ARHGEF33: variants seen among roughly 807,000 people sequenced by gnomAD.
ARHGEF33 encodes DH and coiled-coil domain-containing protein ENSP00000381780.
In ARHGEF33, 72 loss-of-function variants were observed where a neutral mutation model predicts 101.9. That is an observed-to-expected ratio of 0.71 (90% CI 0.58 to 0.86). The LOEUF (loss-of-function observed/expected upper bound fraction) is 0.86, where lower values mean the gene tolerates loss of function less well. ARHGEF33 is among the 40% of genes least tolerant of loss of function. ARHGEF33 has a pLI of 0.00. For synonymous variants in ARHGEF33, 499 were observed against 442.5 expected, an observed-to-expected ratio of 1.13 and a Z score of -1.60; for missense variants, 1,169 against 1,111.3, an observed-to-expected ratio of 1.05 and a Z score of -0.74.
At chr2:38,894,612 C>T (rs1188127005) in intron 1 of ARHGEF33, among the ~76,000 whole-genome samples, 1 of 152,166 alleles carries the variant, frequency 6.6e-6, no homozygotes, top group Admixed American at 6.5e-5. Flanking sequence ...TATATCACCT[C>T]TTGGTCCAAG....
At chr2:38,956,048 C>T (rs1316368071) in intron 13 of ARHGEF33, among the ~76,000 whole-genome samples, 3 of 152,178 alleles carry the variant, frequency 2.0e-5, no homozygotes, top group Non-Finnish European at 4.4e-5. Context: ...ATCCTTTCAA[C>T]AATCCCATGA....
At chr2:38,952,896 A>T (rs1356705733) in intron 11 of ARHGEF33, among the ~76,000 whole-genome samples, 1 of 152,072 alleles carries the variant, frequency 6.6e-6, no homozygotes, top group Non-Finnish European at 1.5e-5. Context: ...ACGGGGTTTC[A>T]CCGTGTTGCC....
chr2:38,897,127 G>A (rs2124977491), intron 2 of ARHGEF33, among the ~76,000 whole-genome samples: 1 of 152,148 alleles, frequency 6.6e-6, no homozygotes, highest in African/African-American at 2.4e-5. Flanking sequence ...TATTGGTCAG[G>A]CTGGTCTCGA....
chr2:38,904,504 G>A (rs1034648348), intron 2 of ARHGEF33, among the ~76,000 whole-genome samples: 3 of 152,018 alleles, frequency 2.0e-5, no homozygotes, highest in Admixed American at 6.6e-5. Context: ...TCAGGAGTTC[G>A]AGAACAGGCT....
rs114382576 is a variant in ARHGEF33 at position 38,935,076 on chromosome 2, A to C, written c.506-699A>C. On this transcript the variant is annotated intron_variant, in intron 7 of 17. Coordinates refer to ENST00000409978, the MANE Select transcript of ARHGEF33 (RefSeq NM_001145451.5). Reference sequence around the variant, plus strand: ...AAAAAAAAAAAAAGAAACAGCAGGCATGAGTTGGGGGCAGATATTCCAGGG... The same window carrying C: ...AAAAAAAAAAAAAGAAACAGCAGGCCTGAGTTGGGGGCAGATATTCCAGGG... Among the ~76,000 whole-genome samples the C allele has an allele frequency of 4.2e-3, 638 of 151,428 alleles. 5 individuals carry two copies. The highest frequency in any genetic ancestry group is 0.015 in the African/African-American group (610 of 41,384).
At chr2:38,905,504 C>T (rs1267647594) in intron 2 of ARHGEF33, among the ~76,000 whole-genome samples, 2 of 152,180 alleles carry the variant, frequency 1.3e-5, no homozygotes, top group Non-Finnish European at 2.9e-5. Context: ...GCTCCTTATA[C>T]TACAGATGAG....
rs369148504 is a variant in ARHGEF33, at chr2:38,957,039, G to A, written c.1362G>A (p.Lys454=). ...ATTTGCTTATTCAGAAACGGAAAAAGCTCAAGAAGTAAGGTTCTGATGGTG... is the reference window on the plus strand; with the variant it reads ...ATTTGCTTATTCAGAAACGGAAAAAACTCAAGAAGTAAGGTTCTGATGGTG... ...NEDLLIQKRK[K]LKKSSMAKLY... The change falls in exon 14 of 18, where the codon AAG becomes AAA. Residue 454 remains lysine, a synonymous_variant. Transcript: ENST00000409978. The A allele has an allele frequency of 2.8e-4, 428 of 1,551,674 alleles. No individual in the cohort carries two copies. The highest frequency in any genetic ancestry group is 3.6e-4 in the Non-Finnish European group (410 of 1,147,012).
chr2:38,971,761 C>T (rs1668170998), intron 17 of ARHGEF33: 1 of 708,858 alleles, frequency 1.4e-6, no homozygotes, highest in African/African-American at 1.8e-5. Flanking sequence ...GAAATTCAGA[C>T]ATTGGAGACA....
intron 9 of ARHGEF33, among the ~76,000 whole-genome samples, chr2:38,942,300 T>G (rs1291236175): frequency 6.6e-6 from 1 of 151,388 alleles, no homozygotes; most frequent in Non-Finnish European, 1.5e-5. Flanking sequence ...CCTGAGTAGC[T>G]GGACGACAGG....
chr2:38,930,209 G>A (rs1375430677), intron 6 of ARHGEF33, among the ~76,000 whole-genome samples: 3 of 152,120 alleles, frequency 2.0e-5, no homozygotes, highest in East Asian at 1.9e-4. Context: ...TCTCTAATGC[G>A]ATTATTATTT....
At chr2:38,971,192 C>G (rs1323486488) in intron 17 of ARHGEF33, among the ~76,000 whole-genome samples, 3 of 152,212 alleles carry the variant, frequency 2.0e-5, no homozygotes, top group Non-Finnish European at 4.4e-5. Context: ...CCATCCCCAG[C>G]TCCAAACAAA....
At chr2:38,917,174 C>T (rs1666653317) in intron 2 of ARHGEF33, among the ~76,000 whole-genome samples, 1 of 149,804 alleles carries the variant, frequency 6.7e-6, no homozygotes, top group African/African-American at 2.5e-5. Context: ...TCACTGCAAC[C>T]TCTGCGTCTC....
intron 4 of ARHGEF33, among the ~76,000 whole-genome samples, chr2:38,926,164 G>A (rs1666864214): frequency 6.6e-6 from 1 of 152,178 alleles, no homozygotes; most frequent in African/African-American, 2.4e-5. Flanking sequence ...TCCAGTGGGA[G>A]CCCGCCTCCA....
At chr2:38,915,250 A>C (rs1209226647) in intron 2 of ARHGEF33, among the ~76,000 whole-genome samples, 1 of 152,196 alleles carries the variant, frequency 6.6e-6, no homozygotes, top group Non-Finnish European at 1.5e-5. Context: ...TAATTATGTA[A>C]AACATTCCAG....
intron 2 of ARHGEF33, among the ~76,000 whole-genome samples, chr2:38,901,933 G>A (rs1666251435): frequency 6.6e-6 from 1 of 152,086 alleles, no homozygotes; most frequent in South Asian, 2.1e-4. Context: ...GGCTAACACA[G>A]TGAAACCCCA....
intron 7 of ARHGEF33, among the ~76,000 whole-genome samples, chr2:38,933,186 A>G (rs1032022518): frequency 1.3e-5 from 2 of 152,144 alleles, no homozygotes; most frequent in Non-Finnish European, 2.9e-5. Flanking sequence ...GGTGCTGGCC[A>G]TGGCTGTCAT....
intron 2 of ARHGEF33, among the ~76,000 whole-genome samples, chr2:38,906,904 G>C (rs149950707): frequency 1.3e-3 from 200 of 152,024 alleles, no homozygotes; most frequent in African/African-American, 4.8e-3. Flanking sequence ...GCTGCAGTGA[G>C]CCATGATTGC....
At chr2:38,968,966 C>T (rs1360635178) in intron 17 of ARHGEF33, among the ~76,000 whole-genome samples, 1 of 152,068 alleles carries the variant, frequency 6.6e-6, no homozygotes, top group African/African-American at 2.4e-5. Flanking sequence ...TCAGGGAGGC[C>T]CCAGTGTAGC....
At chr2:38,927,362 T>C (rs1372134089) in intron 4 of ARHGEF33, among the ~76,000 whole-genome samples, 1 of 152,222 alleles carries the variant, frequency 6.6e-6, no homozygotes, top group Non-Finnish European at 1.5e-5. Context: ...AAAGAAACTT[T>C]GTTAAGGTAT....
Sources: gnomAD v4.1 joint callset for allele counts (sites outside exome capture counted in the v4.1 genomes callset) on GRCh38, gnomAD v4.1.1 for gene constraint, MANE v1.5 for transcripts, NCBI Gene and HGNC (gene_info 2026-07-23, HGNC 2026-07-21) for gene names.